NKAIN2: variants seen among roughly 807,000 people sequenced by gnomAD.
The protein encoded by NKAIN2 is sodium/potassium transporting ATPase interacting 2.
In NKAIN2, 14 loss-of-function variants were observed where a neutral mutation model predicts 32.6. The ratio of observed to expected loss-of-function variants is 0.43; its 90% CI spans 0.28 to 0.67. The LOEUF is 0.67. NKAIN2 is among the 30% of genes least tolerant of loss of function. NKAIN2 has a pLI of 0.17. For missense variants in NKAIN2, 198 were observed against 258.3 expected, an observed-to-expected ratio of 0.77 and a Z score of 1.60; for synonymous variants, 80 against 87.2, an observed-to-expected ratio of 0.92 and a Z score of 0.46.
intron 1 of NKAIN2, among the ~76,000 whole-genome samples, chr6:124,219,583 T>A (rs1451801472): frequency 6.6e-6 from 1 of 152,074 alleles, no homozygotes; most frequent in African/African-American, 2.4e-5. Context: ...CGGCCAACAC[T>A]TATTGAATAC....
At chr6:124,526,392 G>A (rs535308495) in intron 3 of NKAIN2, among the ~76,000 whole-genome samples, 2 of 152,210 alleles carry the variant, frequency 1.3e-5, no homozygotes, top group East Asian at 3.9e-4. Flanking sequence ...GTTAAAAAAT[G>A]TACTGGGTAA....
chr6:124,466,024 A>G (rs1776739838), intron 3 of NKAIN2, among the ~76,000 whole-genome samples: 1 of 152,156 alleles, frequency 6.6e-6, no homozygotes, highest in Non-Finnish European at 1.5e-5. Flanking sequence ...TTTTTAAATC[A>G]TTAACCATCC....
At chr6:124,244,799 G>A (rs772284371) in intron 1 of NKAIN2, among the ~76,000 whole-genome samples, 13 of 152,098 alleles carry the variant, frequency 8.5e-5, no homozygotes, top group Admixed American at 3.9e-4. Flanking sequence ...TAAATACCTT[G>A]TTGAATTAAG....
chr6:124,762,273 C>A (rs921468393), intron 4 of NKAIN2, among the ~76,000 whole-genome samples: 2 of 152,138 alleles, frequency 1.3e-5, no homozygotes, highest in African/African-American at 4.8e-5. Flanking sequence ...GAACCCATCC[C>A]TGGTGTCTTT....
At chr6:124,557,314 A>T (rs972712368) in intron 3 of NKAIN2, among the ~76,000 whole-genome samples, 2 of 152,184 alleles carry the variant, frequency 1.3e-5, no homozygotes, top group Non-Finnish European at 2.9e-5. Flanking sequence ...ACAAAAAAGT[A>T]GAGATTTTTC....
At chr6:124,558,627 AAG>A (rs1780566603) in intron 3 of NKAIN2, among the ~76,000 whole-genome samples, 1 of 147,218 alleles carries the variant, frequency 6.8e-6, no homozygotes, top group Non-Finnish European at 1.5e-5. Flanking sequence ...AGGAAGGAGA[AAG>A]AAACTTTTCT....
chr6:124,520,906 C>G (rs1316542802), intron 3 of NKAIN2, among the ~76,000 whole-genome samples: 3 of 152,104 alleles, frequency 2.0e-5, no homozygotes, highest in Non-Finnish European at 2.9e-5. Flanking sequence ...AAATCCAGAT[C>G]TTAAATATTC....
intron 3 of NKAIN2, among the ~76,000 whole-genome samples, chr6:124,357,996 A>G (rs1009377810): frequency 5.9e-5 from 9 of 152,082 alleles, no homozygotes; most frequent in African/African-American, 9.7e-5. Flanking sequence ...TCATTGTTCA[A>G]TTCCCGTCTA....
At chr6:123,847,866 C>T (rs1562216592) in intron 1 of NKAIN2, among the ~76,000 whole-genome samples, 2 of 152,044 alleles carry the variant, frequency 1.3e-5, no homozygotes, top group Admixed American at 6.5e-5. Context: ...TGGTACGGAG[C>T]TTGAGAATCT....
chr6:124,630,746 G>T (rs1783533153), intron 3 of NKAIN2, among the ~76,000 whole-genome samples: 1 of 152,044 alleles, frequency 6.6e-6, no homozygotes, highest in South Asian at 2.1e-4. Flanking sequence ...TATGGAAAAT[G>T]ATTAACATGG....
At chr6:124,246,668 A>G (rs1190848753) in intron 1 of NKAIN2, among the ~76,000 whole-genome samples, 1 of 152,020 alleles carries the variant, frequency 6.6e-6, no homozygotes, top group East Asian at 1.9e-4. Context: ...ACAGCCTAAC[A>G]CCACAACCTA....
intron 2 of NKAIN2, among the ~76,000 whole-genome samples, chr6:124,347,239 C>T (rs1344805866): frequency 6.6e-6 from 1 of 152,096 alleles, no homozygotes; most frequent in Non-Finnish European, 1.5e-5. Flanking sequence ...TGTGGGTAAC[C>T]CGACCTTTCT....
At chr6:124,320,294 T>C (rs997278592) in intron 2 of NKAIN2, among the ~76,000 whole-genome samples, 2 of 152,178 alleles carry the variant, frequency 1.3e-5, no homozygotes, top group Non-Finnish European at 2.9e-5. Flanking sequence ...TTGTAAGAAA[T>C]GCACTATTTT....
chr6:124,417,042 A>G (rs747914578), intron 3 of NKAIN2, among the ~76,000 whole-genome samples: 18 of 152,180 alleles, frequency 1.2e-4, no homozygotes, highest in Non-Finnish European at 2.2e-4. Context: ...ACATAATACC[A>G]AATAATCTTG....
At chr6:124,713,648 CA>C (rs1049397189) in intron 4 of NKAIN2, among the ~76,000 whole-genome samples, 1 of 152,086 alleles carries the variant, frequency 6.6e-6, no homozygotes, top group Non-Finnish European at 1.5e-5. Context: ...CATAAAAAAT[CA>C]GAGCTTTGAG....
At chr6:124,170,681 G>A (rs1454380619) in intron 1 of NKAIN2, among the ~76,000 whole-genome samples, 1 of 152,044 alleles carries the variant, frequency 6.6e-6, no homozygotes, top group African/African-American at 2.4e-5. Context: ...CCTCAATGAA[G>A]CCACTTTTTA....
chr6:124,411,813 G>A (rs1447502499), intron 3 of NKAIN2, among the ~76,000 whole-genome samples: 2 of 152,176 alleles, frequency 1.3e-5, no homozygotes, highest in Non-Finnish European at 2.9e-5. Context: ...TCACTTTCAG[G>A]TACACCAATC....
chr6:124,362,845 A>G (rs1409294061), intron 3 of NKAIN2, among the ~76,000 whole-genome samples: 1 of 151,992 alleles, frequency 6.6e-6, no homozygotes, highest in Non-Finnish European at 1.5e-5. Context: ...TATTATTATT[A>G]TTTTTTTGAG....
chr6:124,724,858 C>T (rs975315757), intron 4 of NKAIN2, among the ~76,000 whole-genome samples: 8 of 152,180 alleles, frequency 5.3e-5, no homozygotes, highest in African/African-American at 1.9e-4. Context: ...AATATGTTCA[C>T]ATAGCTTGGC....
Sources: gnomAD v4.1 joint callset for allele counts (sites outside exome capture counted in the v4.1 genomes callset) on GRCh38, gnomAD v4.1.1 for gene constraint, MANE v1.5 for transcripts, NCBI Gene and HGNC (gene_info 2026-07-23, HGNC 2026-07-21) for gene names.